ADGRV1: variants seen among roughly 807,000 people sequenced by gnomAD.
ADGRV1 encodes G-protein coupled receptor 98.
A neutral mutation model predicts 596.2 loss-of-function variants in ADGRV1; 359 were observed. That is an observed-to-expected ratio of 0.60 (90% CI 0.55 to 0.66). The LOEUF (loss-of-function observed/expected upper bound fraction) is 0.66. Among genes scored for constraint, ADGRV1 ranks in the 30% least tolerant of loss-of-function variants. The pLI is 0.00. For synonymous variants in ADGRV1, 2,681 were observed against 2,679.2 expected (o/e 1.00, Z -0.02); for missense variants, 7,274 against 7,575.6 (o/e 0.96, Z 1.48).
intron 80 of ADGRV1, 93 bp downstream of exon 80, chr5:90,853,626 G>T: frequency 1.6e-6 from 2 of 1,216,310 alleles, no homozygotes; most frequent in Non-Finnish European, 2.3e-6. Flanking sequence ...CACAGTTTTG[G>T]TAAGTGCTAC....
intron 52 of ADGRV1, among the ~76,000 whole-genome samples, chr5:90,749,364 G>A (rs1287267971): frequency 1.3e-5 from 2 of 152,168 alleles, no homozygotes; most frequent in Non-Finnish European, 2.9e-5. Context: ...AGGGCATGGA[G>A]CCAGAGAGAG....
chr5:90,894,356 T>G (rs1417209394), intron 83 of ADGRV1, among the ~76,000 whole-genome samples: 2 of 152,196 alleles, frequency 1.3e-5, no homozygotes, highest in African/African-American at 4.8e-5. Flanking sequence ...CTTATCACTT[T>G]ATGACATTAG....
At chr5:90,675,521 A>T in intron 24 of ADGRV1, 76 bp downstream of exon 24, 1 of 1,337,522 alleles carries the variant, frequency 7.5e-7, no homozygotes, top group Non-Finnish European at 1.1e-6. Context: ...AGGGATATAC[A>T]CTGTACCTGG....
In ADGRV1 at chr5:90,647,953, T is replaced by G. The variant is rs62375080; in HGVS notation, c.3289+189T>G. On this transcript the variant is annotated intron_variant, in intron 17 of 89. Transcript: ENST00000405460. Reference sequence around the variant, plus strand: ...TATGTGTTGAACCTTTATGTACTTGTTGAACCTTTATGACATCCTTTTTAA... The same window carrying G: ...TATGTGTTGAACCTTTATGTACTTGGTGAACCTTTATGACATCCTTTTTAA... Among the ~76,000 whole-genome samples the G allele has an allele frequency of 1, 151,913 of 152,300 alleles. 75,763 individuals carry two copies. Among genetic ancestry groups the G allele is most frequent in the Middle Eastern group, 1 (294 of 294 alleles).
At chr5:90,646,631 G>C (rs564210109) in intron 16 of ADGRV1, among the ~76,000 whole-genome samples, 2 of 152,052 alleles carry the variant, frequency 1.3e-5, no homozygotes, top group South Asian at 4.2e-4. Context: ...GCATCTTTTG[G>C]TTTTGTTTAT....
chr5:90,725,570 G>T lies in ADGRV1; in HGVS notation c.10075G>T (p.Glu3359Ter), dbSNP rs1434051128. ...GCAGGTACAAACAATCATTATTCTG[G>T]AAAGTTCTCAAGTAAGATATTTTAC... Reference protein sequence around the residue: ...LFLVQTIIILESSQVRYFTSD... With the variant: ...LFLVQTIIIL The change falls in exon 48 of 90, where the codon GAA becomes TAA. Residue 3359 changes from glutamate (E) to a stop codon, truncating the protein, a stop_gained. Transcript: ENST00000405460. LOFTEE classifies it high-confidence loss of function. 1 of 1,564,790 alleles carries T rather than the reference G, an allele frequency of 6.4e-7. No individual in the cohort carries two copies. The highest frequency in any genetic ancestry group is 8.8e-7 in the Non-Finnish European group (1 of 1,135,944).
chr5:90,814,962 T>C (rs1339632436), intron 74 of ADGRV1, among the ~76,000 whole-genome samples: 3 of 140,918 alleles, frequency 2.1e-5, no homozygotes, highest in Non-Finnish European at 4.5e-5. Context: ...CTGTATAGTA[T>C]GAACCCTAGT....
intron 83 of ADGRV1, among the ~76,000 whole-genome samples, chr5:90,876,019 T>A (rs1274055874): frequency 2.6e-5 from 4 of 152,210 alleles, no homozygotes; most frequent in Admixed American, 2.6e-4. Flanking sequence ...CCCAACATAC[T>A]GCAGGATGTC....
intron 85 of ADGRV1, among the ~76,000 whole-genome samples, chr5:91,070,520 T>C (rs1788293255): frequency 6.6e-6 from 1 of 152,196 alleles, no homozygotes; most frequent in Non-Finnish European, 1.5e-5. Flanking sequence ...GAAAGTATAG[T>C]CTTGTAACTT....
At chr5:90,706,908 G>A (rs1365729453) in intron 38 of ADGRV1, among the ~76,000 whole-genome samples, 1 of 151,716 alleles carries the variant, frequency 6.6e-6, no homozygotes, top group South Asian at 2.1e-4. Flanking sequence ...AGGGGTTTCT[G>A]TTCTTGTTTA....
chr5:90,765,468 C>CACACACAA (rs1554108381), intron 59 of ADGRV1, among the ~76,000 whole-genome samples: 3 of 146,976 alleles, frequency 2.0e-5, no homozygotes, highest in Non-Finnish European at 3.0e-5. Context: ...CACACACACA[C>CACACACAA]ACAAACTCTA....
chr5:90,831,586 T>C (rs1764535695), intron 77 of ADGRV1, among the ~76,000 whole-genome samples: 1 of 152,092 alleles, frequency 6.6e-6, no homozygotes, highest in Admixed American at 6.6e-5. Flanking sequence ...TATACTTTTT[T>C]AGTTATTTTT....
chr5:90,901,504 G>A (rs1771837371), intron 83 of ADGRV1, among the ~76,000 whole-genome samples: 1 of 152,084 alleles, frequency 6.6e-6, no homozygotes, highest in South Asian at 2.1e-4. Context: ...GAATGAATGT[G>A]AATCCATTTG....
chr5:91,109,603 G>A (rs1303798135), intron 87 of ADGRV1, among the ~76,000 whole-genome samples: 3 of 152,086 alleles, frequency 2.0e-5, no homozygotes, highest in African/African-American at 4.8e-5. Flanking sequence ...TGGCTGCCAC[G>A]GTGCAAGACT....
rs1363582517 is a variant in ADGRV1, at chr5:90,562,348, C to G, written c.22+3431C>G. Reference sequence around the variant, plus strand: ...GTAGGTTTGGGAGCACAGGGAGCATCTTTTGCATGCATGGAGGGTTCTCCA... The same window carrying G: ...GTAGGTTTGGGAGCACAGGGAGCATGTTTTGCATGCATGGAGGGTTCTCCA... On this transcript the variant is annotated intron_variant, in intron 1 of 89. Transcript: ENST00000405460. Among the ~76,000 whole-genome samples the G allele has an allele frequency of 1.3e-5, 2 of 152,116 alleles. 1 individual carries two copies. Among genetic ancestry groups the G allele is most frequent in the Non-Finnish European group, 2.9e-5 (2 of 68,026 alleles).
intron 85 of ADGRV1, among the ~76,000 whole-genome samples, chr5:90,996,259 C>G (rs1781405613): frequency 6.6e-6 from 1 of 152,128 alleles, no homozygotes; most frequent in African/African-American, 2.4e-5. Context: ...TTTTGTGGGC[C>G]AGGCTCAGAG....
intron 87 of ADGRV1, among the ~76,000 whole-genome samples, chr5:91,108,656 G>A (rs114467229): frequency 0.054 from 8,265 of 152,132 alleles, 708 homozygotes; most frequent in African/African-American, 0.19. Context: ...GGGCAACGAC[G>A]TGATCATAGC....
intron 75 of ADGRV1, among the ~76,000 whole-genome samples, chr5:90,820,165 A>G (rs1377923811): frequency 6.7e-6 from 1 of 150,066 alleles, no homozygotes; most frequent in East Asian, 1.9e-4. Context: ...CTTTACCATT[A>G]TGTAATGGCC....
At chr5:91,056,372 TG>T in intron 85 of ADGRV1, among the ~76,000 whole-genome samples, 1 of 152,246 alleles carries the variant, frequency 6.6e-6, no homozygotes. Context: ...GGAAGTGCTT[TG>T]GAGCTCGGTC....
Sources: gnomAD v4.1 joint callset for allele counts (sites outside exome capture counted in the v4.1 genomes callset) on GRCh38, gnomAD v4.1.1 for gene constraint, MANE v1.5 for transcripts, NCBI Gene and HGNC (gene_info 2026-07-23, HGNC 2026-07-21) for gene names.